LRRTM4: variants seen among roughly 807,000 people sequenced by gnomAD.
The protein encoded by LRRTM4 is leucine rich repeat transmembrane neuronal 4, also known as leucine-rich repeat transmembrane neuronal protein 4.
Under a neutral mutation model 47.6 loss-of-function variants are expected in LRRTM4, and 25 were observed. The ratio of observed to expected loss-of-function variants is 0.53; its 90% confidence interval spans 0.38 to 0.73. The LOEUF (loss-of-function observed/expected upper bound fraction) is 0.73. Ranked by LOEUF, LRRTM4 falls within the 30% of genes least tolerant of loss-of-function variation. The probability of loss-of-function intolerance (pLI) is 0.00; values close to 1 mark genes in which losing one functional copy is unlikely to be tolerated. For missense variants in LRRTM4, 638 were observed against 713.4 expected, an observed-to-expected ratio of 0.89 and a Z score of 1.20; for synonymous variants, 311 against 269.5, an observed-to-expected ratio of 1.15 and a Z score of -1.51.
Position 76,801,435 on chromosome 2 carries a change from A to T in LRRTM4, c.1552-52519T>A, listed in dbSNP as rs1304383476. Among the ~76,000 whole-genome samples the T allele has an allele frequency of 3.3e-5, 5 of 152,012 alleles. No individual in the cohort carries two copies. In the South Asian group the frequency reaches 1.0e-3, roughly 31 times the overall value. ...AAGAACAAAAAACCAAACAGCGCAT[A>T]TTCTCACTCATAGGTGGGAATTGAA... On this transcript the variant is annotated intron_variant, in intron 3 of 3. Coordinates refer to ENST00000409884, the MANE Select transcript of LRRTM4 (RefSeq NM_001134745.3).
At chr2:76,810,726 A>T (rs898277740) in intron 3 of LRRTM4, among the ~76,000 whole-genome samples, 1 of 152,194 alleles carries the variant, frequency 6.6e-6, no homozygotes, top group Non-Finnish European at 1.5e-5. Context: ...AAAATATTAA[A>T]GTTCCTGCTT....
chr2:77,337,920 A>G (rs1257970308), intron 3 of LRRTM4, among the ~76,000 whole-genome samples: 1 of 152,110 alleles, frequency 6.6e-6, no homozygotes, highest in African/African-American at 2.4e-5. Flanking sequence ...CAAAATAGAG[A>G]ACCCAGAAAT....
At chr2:77,068,312 C>T (rs966556981) in intron 3 of LRRTM4, among the ~76,000 whole-genome samples, 1 of 152,082 alleles carries the variant, frequency 6.6e-6, no homozygotes, top group Non-Finnish European at 1.5e-5. Context: ...TTGAGATACA[C>T]ATCACATACC....
chr2:77,087,138 T>G (rs1680744801), intron 3 of LRRTM4, among the ~76,000 whole-genome samples: 1 of 152,198 alleles, frequency 6.6e-6, no homozygotes, highest in Non-Finnish European at 1.5e-5. Context: ...TTATGCATCT[T>G]GAGTTTTAAT....
intron 3 of LRRTM4, among the ~76,000 whole-genome samples, chr2:77,244,095 T>A (rs534005101): frequency 2.2e-5 from 3 of 133,914 alleles, no homozygotes; most frequent in African/African-American, 8.7e-5. Context: ...ACAAAGGACA[T>A]GAACTCATCA....
intron 3 of LRRTM4, among the ~76,000 whole-genome samples, chr2:76,973,155 C>A (rs185874690): frequency 7.2e-6 from 1 of 139,302 alleles, no homozygotes; most frequent in East Asian, 2.0e-4. Flanking sequence ...ATGGTAGTTA[C>A]AAGGAGACTC....
chr2:76,854,263 G>A (rs189969411), intron 3 of LRRTM4, among the ~76,000 whole-genome samples: 3 of 152,216 alleles, frequency 2.0e-5, no homozygotes, highest in Admixed American at 6.6e-5. Flanking sequence ...GGGCAAATGA[G>A]GGGTTAGTAT....
chr2:77,011,967 G>A (rs1308760291), intron 3 of LRRTM4, among the ~76,000 whole-genome samples: 3 of 151,926 alleles, frequency 2.0e-5, no homozygotes, highest in African/African-American at 4.8e-5. Context: ...CATTTACAAG[G>A]TAAGTTAACA....
rs1248690448 is a variant in LRRTM4, at chr2:77,077,980, T to G, written c.1552-329064A>C. On this transcript the variant is annotated intron_variant, in intron 3 of 3. Coordinates refer to ENST00000409884, the MANE Select transcript of LRRTM4 (RefSeq NM_001134745.3). ...CAAAGAAGTAATTTGTGTTCCCTTC[T>G]GTTTTCATCAGGTGTTTGAATCCCA... 4.6e-5 allele frequency among the ~76,000 whole-genome samples: 7 copies of G among 152,220 alleles called. No homozygotes were observed. The East Asian group carries it at 1.3e-3, about 29-fold the overall frequency.
chr2:77,518,453 C>T lies in LRRTM4; in HGVS notation c.1416G>A (p.Glu472=), dbSNP rs766659019. ...AAGGGGAATTCATTTGTCTTTCAGA[C>T]TCTCTGGCCTTTTTCCGCCGCCTCT... is the stretch of plus-strand genomic sequence containing the variant. The part of the protein sequence containing the change: ...LMKRRRKKAR[E]SERQMNSPLQ... Residue 472 remains glutamate (E), a synonymous_variant, in exon 3 of 4, where the codon GAG becomes GAA. Transcript: ENST00000409884. 2 of 1,613,324 alleles carry T rather than the reference C, an allele frequency of 1.2e-6. No homozygotes were observed. Among genetic ancestry groups the T allele is most frequent in the East Asian group, 4.5e-5 (2 of 44,828 alleles).
chr2:76,844,373 G>A (rs952409156), intron 3 of LRRTM4, among the ~76,000 whole-genome samples: 1 of 152,100 alleles, frequency 6.6e-6, no homozygotes, highest in Non-Finnish European at 1.5e-5. Context: ...CTGACCTTGT[G>A]ATCCACCCAC....
At chr2:77,136,796 T>A (rs1313245688) in intron 3 of LRRTM4, among the ~76,000 whole-genome samples, 2 of 151,738 alleles carry the variant, frequency 1.3e-5, no homozygotes, top group Non-Finnish European at 2.9e-5. Context: ...CTGAGGGAGC[T>A]GAAAACAATG....
intron 3 of LRRTM4, among the ~76,000 whole-genome samples, chr2:77,051,860 C>T (rs1351584241): frequency 6.6e-6 from 1 of 152,094 alleles, no homozygotes; most frequent in East Asian, 1.9e-4. Flanking sequence ...ATTTTCATGG[C>T]AGTGGAAGCA....
intron 3 of LRRTM4, among the ~76,000 whole-genome samples, chr2:76,968,383 T>TATACATAC (rs797010446): frequency 1.8e-5 from 2 of 111,428 alleles, no homozygotes; most frequent in Non-Finnish European, 3.6e-5. Context: ...TATATATATA[T>TATACATAC]ACACATACAT....
chr2:77,122,320 C>G (rs1371304705), intron 3 of LRRTM4, among the ~76,000 whole-genome samples: 4 of 151,476 alleles, frequency 2.6e-5, no homozygotes, highest in Non-Finnish European at 4.4e-5. Flanking sequence ...ATAATGAGTT[C>G]TAATGTTACA....
intron 3 of LRRTM4, among the ~76,000 whole-genome samples, chr2:76,809,997 ATTCT>A (rs1670686033): frequency 6.6e-6 from 1 of 152,178 alleles, no homozygotes; most frequent in Non-Finnish European, 1.5e-5. Context: ...CTTGTTCTCC[ATTCT>A]GCTTTACATT....
intron 3 of LRRTM4, among the ~76,000 whole-genome samples, chr2:77,001,670 C>T (rs530608391): frequency 1.2e-4 from 18 of 152,106 alleles, no homozygotes; most frequent in Non-Finnish European, 2.4e-4. Context: ...ATATCCAATA[C>T]AGGCCATGTA....
chr2:76,815,742 T>C (rs1017950802), intron 3 of LRRTM4, among the ~76,000 whole-genome samples: 1 of 152,038 alleles, frequency 6.6e-6, no homozygotes, highest in South Asian at 2.1e-4. Flanking sequence ...AAACTGATTT[T>C]GCAGGTAACA....
intron 3 of LRRTM4, among the ~76,000 whole-genome samples, chr2:77,049,507 C>T (rs534346097): frequency 1.3e-5 from 2 of 151,798 alleles, no homozygotes; most frequent in South Asian, 4.2e-4. Context: ...GAGATGGTAT[C>T]TCATTCTGAT....
Sources: gnomAD v4.1 joint callset for allele counts (sites outside exome capture counted in the v4.1 genomes callset) on GRCh38, gnomAD v4.1.1 for gene constraint, MANE v1.5 for transcripts, NCBI Gene and HGNC (gene_info 2026-07-23, HGNC 2026-07-21) for gene names.